Variants in CDH12 observed in about 807,000 individuals in gnomAD.
CDH12 encodes the protein cadherin 12.
In CDH12, 41 loss-of-function variants were observed where a neutral mutation model predicts 74.1. That is an observed-to-expected ratio of 0.55 (90% confidence interval 0.43 to 0.72). The LOEUF is 0.72. CDH12 is among the 30% of genes least tolerant of loss of function. CDH12 has a pLI of 0.00. For missense variants in CDH12, 945 were observed against 977.2 expected, an observed-to-expected ratio of 0.97 and a Z score of 0.44; for synonymous variants, 399 against 355.0, an observed-to-expected ratio of 1.12 and a Z score of -1.39.
chr5:22,666,954 C>A (rs1580867915), intron 1 of CDH12, among the ~76,000 whole-genome samples: 1 of 152,130 alleles, frequency 6.6e-6, no homozygotes, highest in African/African-American at 2.4e-5. Context: ...ACTCTAACTC[C>A]CTCTGAACTT....
At chr5:22,312,869 T>C (rs531631866) in intron 3 of CDH12, among the ~76,000 whole-genome samples, 1 of 152,272 alleles carries the variant, frequency 6.6e-6, no homozygotes. Context: ...AGTAGAAAAA[T>C]ATAACAAGAA....
chr5:22,651,956 T>C (rs1739768716), intron 1 of CDH12, among the ~76,000 whole-genome samples: 1 of 152,040 alleles, frequency 6.6e-6, no homozygotes, highest in Non-Finnish European at 1.5e-5. Flanking sequence ...ATTAGAATTG[T>C]AAAAATAAAT....
At chr5:22,481,345 G>A (rs1011866969) in intron 2 of CDH12, among the ~76,000 whole-genome samples, 4 of 152,064 alleles carry the variant, frequency 2.6e-5, no homozygotes, top group East Asian at 3.9e-4. Context: ...TCTCACTTCC[G>A]GTTATCGATA....
chr5:22,070,249 AG>A (rs1580201308), intron 5 of CDH12, among the ~76,000 whole-genome samples: 1 of 152,096 alleles, frequency 6.6e-6, no homozygotes, highest in East Asian at 1.9e-4. Flanking sequence ...CTGAGAAAAA[AG>A]GTTTGTGTAT....
chr5:21,933,115 A>C (rs1205749413), intron 6 of CDH12, among the ~76,000 whole-genome samples: 4 of 152,078 alleles, frequency 2.6e-5, no homozygotes, highest in Non-Finnish European at 5.9e-5. Flanking sequence ...CTTGACACAC[A>C]CGAGAGTTTA....
chr5:21,959,093 GC>G (rs1385614637), intron 6 of CDH12, among the ~76,000 whole-genome samples: 2 of 152,066 alleles, frequency 1.3e-5, no homozygotes, highest in African/African-American at 4.8e-5. Flanking sequence ...TTGACTGCCA[GC>G]TTGGTTACTG....
At chr5:22,031,518 C>T (rs1023153926) in intron 5 of CDH12, among the ~76,000 whole-genome samples, 2 of 152,082 alleles carry the variant, frequency 1.3e-5, no homozygotes, top group African/African-American at 4.8e-5. Flanking sequence ...CACAAGTTGG[C>T]TGACTATTCT....
intron 3 of CDH12, among the ~76,000 whole-genome samples, chr5:22,305,700 G>A (rs971019702): frequency 1.3e-5 from 2 of 152,096 alleles, no homozygotes; most frequent in African/African-American, 4.8e-5. Context: ...CTCACTGGGG[G>A]CAGCAAGTCC....
Position 22,707,584 on chromosome 5 carries a change from A to G in CDH12, c.-523+145474T>C, listed in dbSNP as rs369490867. 1.4e-4 allele frequency among the ~76,000 whole-genome samples: 22 copies of G among 152,266 alleles called. No homozygotes were observed. The East Asian group carries it at 3.5e-3, about 24-fold the overall frequency. On this transcript the variant is annotated intron_variant, in intron 1 of 14. Transcript: ENST00000382254. Reference sequence around the variant, plus strand: ...ATAAACAAAACAACAAAAGCATCACATTGAGAGGGTCCTTAGAAAATGTAC... The same window carrying G: ...ATAAACAAAACAACAAAAGCATCACGTTGAGAGGGTCCTTAGAAAATGTAC...
chr5:22,273,773 A>T lies in CDH12; in HGVS notation c.-332-61130T>A, dbSNP rs188118661. Among the ~76,000 whole-genome samples, 617 of 152,202 alleles carry T rather than the reference A, an allele frequency of 4.1e-3. 9 individuals carry two copies. Among genetic ancestry groups the T allele is most frequent in the African/African-American group, 0.014 (586 of 41,500 alleles). ...CTCCTTTTCTTTGAGTGAGGTGGGA[A>T]TACTGCTTGGTCTGTTTCCTCTTCC... On this transcript the variant is annotated intron_variant, in intron 3 of 14. Coordinates refer to ENST00000382254, the MANE Select transcript of CDH12 (RefSeq NM_004061.5).
intron 5 of CDH12, among the ~76,000 whole-genome samples, chr5:21,989,435 T>C (rs1458055070): frequency 6.6e-6 from 1 of 152,156 alleles, no homozygotes; most frequent in East Asian, 1.9e-4. Flanking sequence ...ACCAGACTTT[T>C]CTCTGTACTT....
intron 1 of CDH12, among the ~76,000 whole-genome samples, chr5:22,548,236 T>C (rs1738413811): frequency 6.6e-6 from 1 of 152,178 alleles, no homozygotes; most frequent in Non-Finnish European, 1.5e-5. Context: ...CTTGTTAACA[T>C]AGCTGACAAA....
chr5:22,654,678 T>C (rs1739937907), intron 1 of CDH12, among the ~76,000 whole-genome samples: 1 of 150,636 alleles, frequency 6.6e-6, no homozygotes, highest in Admixed American at 6.6e-5. Flanking sequence ...TCTTGTTGCC[T>C]AGGCTGGAGT....
At chr5:21,814,186 T>C (rs1747914869) in intron 9 of CDH12, among the ~76,000 whole-genome samples, 1 of 143,240 alleles carries the variant, frequency 7.0e-6, no homozygotes, top group Admixed American at 7.1e-5. Context: ...TGTGTGTGTG[T>C]TTTATTTGCA....
intron 1 of CDH12, among the ~76,000 whole-genome samples, chr5:22,623,743 G>C (rs1409050384): frequency 1.3e-5 from 2 of 152,116 alleles, no homozygotes; most frequent in Non-Finnish European, 2.9e-5. Flanking sequence ...TACTGCCCAA[G>C]GTAATTTATA....
intron 5 of CDH12, among the ~76,000 whole-genome samples, chr5:22,017,620 TGAA>T (rs1218535109): frequency 2.6e-5 from 4 of 152,052 alleles, no homozygotes; most frequent in African/African-American, 4.8e-5. Flanking sequence ...TTCTATTGAA[TGAA>T]GAAGATGTAA....
chr5:22,081,065 C>A (rs980485366), intron 4 of CDH12, among the ~76,000 whole-genome samples: 2 of 152,126 alleles, frequency 1.3e-5, no homozygotes, highest in Non-Finnish European at 2.9e-5. Context: ...AGGCGTGAGC[C>A]ACCTCGCTTG....
At chr5:22,199,400 A>G (rs1487442539) in intron 4 of CDH12, among the ~76,000 whole-genome samples, 1 of 152,228 alleles carries the variant, frequency 6.6e-6, no homozygotes, top group East Asian at 1.9e-4. Context: ...TCCTAAGTTC[A>G]TATGTTGTTT....
At chr5:22,556,341 T>C (rs764519364) in intron 1 of CDH12, among the ~76,000 whole-genome samples, 4 of 152,092 alleles carry the variant, frequency 2.6e-5, no homozygotes, top group Non-Finnish European at 4.4e-5. Flanking sequence ...AAAATTGTGA[T>C]ACTTGTTTTT....
Sources: allele counts gnomAD v4.1 joint callset (sites outside exome capture counted in the v4.1 genomes callset), GRCh38; gene constraint gnomAD v4.1.1; transcripts MANE v1.5; gene names NCBI Gene and HGNC (gene_info 2026-07-23, HGNC 2026-07-21).